COL4A4: variants seen among roughly 807,000 people sequenced by gnomAD.
COL4A4 encodes collagen type IV alpha 4 chain.
In COL4A4, 105 loss-of-function variants were observed where a neutral mutation model predicts 192.9. The ratio of observed to expected loss-of-function variants is 0.54; its 90% CI spans 0.46 to 0.64. COL4A4 has a LOEUF of 0.64. Among genes scored for constraint, COL4A4 ranks in the 30% least tolerant of loss-of-function variants. COL4A4 has a pLI of 0.00. For synonymous variants in COL4A4, 762 were observed against 769.9 expected (o/e 0.99, Z 0.17); for missense variants, 1,967 against 2,169.3 (o/e 0.91, Z 1.85).
chr2:227,071,071 A>C lies in COL4A4; in HGVS notation c.1987+6823T>G, dbSNP rs1344890040. ...AACAATACCTCACATCTCAATATTC[A>C]TGTTGAGTGTAAATGCTCCACTTCA... On this transcript the variant is annotated intron_variant, in intron 25 of 47. Coordinates refer to ENST00000396625, the MANE Select transcript of COL4A4 (RefSeq NM_000092.5). Among the ~76,000 whole-genome samples the C allele has an allele frequency of 2.0e-5, 3 of 152,202 alleles. 1 individual carries two copies. The highest frequency in any genetic ancestry group is 4.1e-4 in the South Asian group (2 of 4,828).
At chr2:227,044,594 T>C (rs1972069977) in intron 35 of COL4A4, among the ~76,000 whole-genome samples, 1 of 148,768 alleles carries the variant, frequency 6.7e-6, no homozygotes, top group African/African-American at 2.5e-5. Context: ...TATTCTCATC[T>C]ACAAATGAAA....
At chr2:227,041,844 GAAAGAGAAAGAA>G (rs1347894552) in intron 37 of COL4A4, among the ~76,000 whole-genome samples, 135 of 73,554 alleles carry the variant, frequency 1.8e-3, no homozygotes, top group Admixed American at 3.4e-3. Flanking sequence ...AAGAAAGAAA[GAAAGAGAAAGAA>G]AGAAAGAAAG....
At chr2:227,134,922 G>C (rs752780789) in intron 4 of COL4A4, among the ~76,000 whole-genome samples, 2 of 152,204 alleles carry the variant, frequency 1.3e-5, no homozygotes, top group African/African-American at 4.8e-5. Context: ...ACTGTGGACA[G>C]TGTCTTTATT....
the COL4A4 span, among the ~76,000 whole-genome samples, chr2:226,984,677 T>C: frequency 6.6e-6 from 1 of 152,178 alleles, no homozygotes. Flanking sequence ...ATTAGAAATA[T>C]TCTCCTGAAA....
chr2:227,108,118 G>C (rs1293958485), intron 12 of COL4A4, among the ~76,000 whole-genome samples: 1 of 152,108 alleles, frequency 6.6e-6, no homozygotes, highest in Non-Finnish European at 1.5e-5. Flanking sequence ...AAGGACAGTG[G>C]GTGTGAGTGG....
intron 43 of COL4A4, among the ~76,000 whole-genome samples, chr2:227,024,028 CAAA>C (rs111307267): frequency 1.3e-5 from 2 of 148,834 alleles, no homozygotes; most frequent in East Asian, 2.0e-4. Flanking sequence ...AAAAAACAAA[CAAA>C]AAAAACCACT....
chr2:227,119,172 A>G (rs1233626404), intron 6 of COL4A4, among the ~76,000 whole-genome samples: 1 of 152,082 alleles, frequency 6.6e-6, no homozygotes, highest in African/African-American at 2.4e-5. Context: ...AATTTCAAGA[A>G]CATTGTACTT....
downstream of COL4A4, among the ~76,000 whole-genome samples, chr2:227,000,034 C>T (rs1339706210): frequency 6.6e-6 from 1 of 152,238 alleles, no homozygotes. Flanking sequence ...GAGATTCTTT[C>T]AAGTTATTGC....
chr2:227,001,444 A>G (rs912019552), downstream of COL4A4, among the ~76,000 whole-genome samples: 3 of 152,080 alleles, frequency 2.0e-5, no homozygotes, highest in African/African-American at 7.2e-5. Flanking sequence ...CCTCCAGAAC[A>G]GCTTGAGACA....
At chr2:227,031,041 A>ATGGATGGATGGATGGATGGATGGATG (rs1553626076) in intron 40 of COL4A4, among the ~76,000 whole-genome samples, 14 of 146,352 alleles carry the variant, frequency 9.6e-5, no homozygotes, top group African/African-American at 3.3e-4. Context: ...TTGGATGGAC[A>ATGGATGGATGGATGGATGGATGGATG]GATGGATGGA....
At chr2:227,042,349 G>T in intron 36 of COL4A4, 94 bp from the exon 37 acceptor site, 1 of 740,448 alleles carries the variant, frequency 1.4e-6, no homozygotes. Flanking sequence ...ATGGGTAACG[G>T]AGAACACTGT....
chr2:227,032,457 G>A (rs1275660836), intron 38 of COL4A4, among the ~76,000 whole-genome samples, 181 bp from the exon 39 acceptor site: 1 of 152,134 alleles, frequency 6.6e-6, no homozygotes, highest in Non-Finnish European at 1.5e-5. Flanking sequence ...TATCACACTG[G>A]TCAGCCATAA....
chr2:227,054,814 GAGTCTCACTC>G, intron 30 of COL4A4, 77 bp from the exon 31 acceptor site: 1 of 1,472,404 alleles, frequency 6.8e-7, no homozygotes, highest in Non-Finnish European at 9.3e-7. Flanking sequence ...GAGGTGGACA[GAGTCTCACTC>G]TGTCACCCAG....
chr2:227,088,651 A>G lies in COL4A4; in HGVS notation c.1623+2T>C, dbSNP rs1460805056. On this transcript the variant is annotated splice_donor_variant, in intron 22 of 47. Transcript: ENST00000396625. LOFTEE classifies it high-confidence loss of function. ...GAAAGATGACTGGTAAGAGGTACTC[A>G]CTGGTAGCCCTGGAGGTCCTTCAGC... is the stretch of plus-strand genomic sequence containing the variant. 1 of 1,614,154 alleles carries G rather than the reference A, an allele frequency of 6.2e-7. No homozygotes were observed. Among genetic ancestry groups the G allele is most frequent in the Non-Finnish European group, 8.5e-7 (1 of 1,180,008 alleles).
rs1222225573 is a variant in COL4A4, at chr2:227,067,474, A to T, written c.1988-4876T>A. Among the ~76,000 whole-genome samples, 538 of 152,126 alleles carry T rather than the reference A, an allele frequency of 3.5e-3. 3 individuals are homozygous for T. The highest frequency in any genetic ancestry group is 0.012 in the African/African-American group (499 of 41,384). On this transcript the variant is annotated intron_variant, in intron 25 of 47. Transcript: ENST00000396625. The stretch of plus-strand genomic sequence containing the variant: ...TTGACCACATACTTGGAAGTAAAGC[A>T]TTCCTCAGCAAATGTAAAAGAACAG...
intron 15 of COL4A4, among the ~76,000 whole-genome samples, chr2:227,102,362 G>A (rs756512459): frequency 3.9e-5 from 6 of 152,174 alleles, no homozygotes; most frequent in Non-Finnish European, 7.3e-5. Context: ...TGCCAGCTGC[G>A]GTCTGGCCTC....
At position 227,057,779 on chromosome 2, in the gene COL4A4, A is replaced by G. The variant is rs559020078; in HGVS notation, c.2384-179T>C. ...TAGATGTAATGAGTTCCTTATGAAC[A>G]GAGAAACAACGCATTGCTAAGTGAG... is the stretch of plus-strand genomic sequence containing the variant. On this transcript the variant is annotated intron_variant, in intron 28 of 47. Coordinates refer to ENST00000396625, the MANE Select transcript of COL4A4 (RefSeq NM_000092.5). Among the ~76,000 whole-genome samples, 7 of 152,382 alleles carry G rather than the reference A, an allele frequency of 4.6e-5. No homozygotes were observed. The South Asian group carries it at 1.4e-3, about 32-fold the overall frequency.
chr2:226,981,469 A>C, the COL4A4 span, among the ~76,000 whole-genome samples: 1 of 151,842 alleles, frequency 6.6e-6, no homozygotes, highest in African/African-American at 2.4e-5. Flanking sequence ...TTTCAGTCAC[A>C]GGATTGTCTC....
intron 34 of COL4A4, 137 bp from the exon 35 acceptor site, chr2:227,047,686 A>G: frequency 3.1e-6 from 2 of 650,628 alleles, no homozygotes; most frequent in Non-Finnish European, 5.6e-6. Flanking sequence ...CTTTTATTCT[A>G]AATAAGAACA....
Sources: allele counts gnomAD v4.1 joint callset (sites outside exome capture counted in the v4.1 genomes callset), GRCh38; gene constraint gnomAD v4.1.1; transcripts MANE v1.5; gene names NCBI Gene and HGNC (gene_info 2026-07-23, HGNC 2026-07-21).